Variants in ZNF469 observed in about 807,000 individuals in gnomAD.
ZNF469 encodes zinc finger protein 469.
ZNF469 carries 1 observed loss-of-function variant against 1.0 expected under a neutral mutation model. That is an observed-to-expected ratio of 1.00 (90% CI 0.35 to 4.73). The LOEUF (loss-of-function observed/expected upper bound fraction) is 4.73. ZNF469 is among the 30% of genes most tolerant of loss of function. The probability of loss-of-function intolerance (pLI) is 0.16; values close to 1 mark genes in which losing one functional copy is unlikely to be tolerated. For synonymous variants in ZNF469, 2,703 were observed against 2,363.4 expected (o/e 1.14, Z -4.17); for missense variants, 6,100 against 5,356.3 (o/e 1.14, Z -4.33).
At chr16:88,271,118 C>T in the ZNF469 span, among the ~76,000 whole-genome samples, 6 of 151,986 alleles carry the variant, frequency 3.9e-5, no homozygotes, top group African/African-American at 9.7e-5. Context: ...GGTAACAGAA[C>T]CTGCCTTATA....
the ZNF469 span, among the ~76,000 whole-genome samples, chr16:88,354,895 G>A: frequency 6.6e-6 from 1 of 152,192 alleles, no homozygotes; most frequent in Non-Finnish European, 1.5e-5. Flanking sequence ...CTGCAAGGGA[G>A]GCCTGAGGAG....
chr16:88,175,755 A>G, the ZNF469 span, among the ~76,000 whole-genome samples: 933 of 152,350 alleles, frequency 6.1e-3, 6 homozygotes, highest in African/African-American at 0.022. Context: ...AAGGTCCCAA[A>G]TCAATTATCA....
Position 88,429,716 on chromosome 16 carries a change from A to C in ZNF469, c.2246A>C (p.His749Pro). 1 of 1,543,516 alleles carries C rather than the reference A, an allele frequency of 6.5e-7. No homozygotes were observed. Among genetic ancestry groups the C allele is most frequent in the Non-Finnish European group, 8.7e-7 (1 of 1,142,908 alleles). ...AGCAGCCTGGCGGCCTTCCTGGCCC[A>C]CCGGCAGTTCTGTGGCCTGCTCCTG... is the stretch of plus-strand genomic sequence containing the variant. ...NYSSLAAFLA[H>P]RQFCGLLLAR... is the part of the protein sequence containing the mutation. The change falls in exon 3 of 3, where the codon CAC becomes CCC. Residue 749 changes from histidine to proline, a missense_variant. Coordinates refer to ENST00000565624, the MANE Select transcript of ZNF469 (RefSeq NM_001367624.2).
At chr16:88,265,764 G>A in the ZNF469 span, among the ~76,000 whole-genome samples, 1 of 152,216 alleles carries the variant, frequency 6.6e-6, no homozygotes, top group Non-Finnish European at 1.5e-5. Context: ...TCGGGAGGCG[G>A]CGCGTCTCTC....
At chr16:88,197,462 C>T in the ZNF469 span, among the ~76,000 whole-genome samples, 1 of 152,174 alleles carries the variant, frequency 6.6e-6, no homozygotes. Flanking sequence ...GATTAAATGC[C>T]CACAGGAAAG....
the ZNF469 span, among the ~76,000 whole-genome samples, chr16:88,184,100 C>T: frequency 1.3e-5 from 2 of 152,040 alleles, no homozygotes; most frequent in East Asian, 2.0e-4. Flanking sequence ...CTCCCCTGCC[C>T]GGGCTGGGAT....
At chr16:88,234,577 A>G in the ZNF469 span, among the ~76,000 whole-genome samples, 1 of 152,160 alleles carries the variant, frequency 6.6e-6, no homozygotes, top group African/African-American at 2.4e-5. Context: ...CAGCCTGTGG[A>G]TCATCCACCA....
At chr16:88,160,595 C>A in the ZNF469 span, among the ~76,000 whole-genome samples, 420 of 152,326 alleles carry the variant, frequency 2.8e-3, 1 homozygote, top group African/African-American at 9.7e-3. Context: ...CTTTTCTCAA[C>A]TCTTTTCACA....
chr16:88,121,439 G>A, the ZNF469 span, among the ~76,000 whole-genome samples: 1 of 152,162 alleles, frequency 6.6e-6, no homozygotes, highest in African/African-American at 2.4e-5. Flanking sequence ...TCTGGCCATC[G>A]GAGGGGCTGG....
the ZNF469 span, among the ~76,000 whole-genome samples, chr16:88,186,359 C>T: frequency 6.6e-6 from 1 of 152,192 alleles, no homozygotes; most frequent in Non-Finnish European, 1.5e-5. Context: ...AATGGGAGGC[C>T]GTGGGCTTCG....
At chr16:88,358,077 C>T in the ZNF469 span, among the ~76,000 whole-genome samples, 2 of 152,210 alleles carry the variant, frequency 1.3e-5, no homozygotes, top group Non-Finnish European at 2.9e-5. Flanking sequence ...GATCCAGCCT[C>T]CTTTCAGGGC....
At chr16:88,292,361 G>A in the ZNF469 span, among the ~76,000 whole-genome samples, 1 of 152,162 alleles carries the variant, frequency 6.6e-6, no homozygotes, top group African/African-American at 2.4e-5. Context: ...GGGTAGCAGG[G>A]CCTGAGTGTG....
At chr16:88,352,112 G>A in the ZNF469 span, among the ~76,000 whole-genome samples, 41,173 of 151,892 alleles carry the variant, frequency 0.27, 6,103 homozygotes, top group African/African-American at 0.39. Context: ...TGGGTGCGAG[G>A]GGCTGGGGGC....
the ZNF469 span, among the ~76,000 whole-genome samples, chr16:88,148,248 T>C: frequency 5.6e-4 from 85 of 152,256 alleles, no homozygotes; most frequent in East Asian, 0.015. Flanking sequence ...GTTTTGCTCC[T>C]TCAGAGACTC....
the ZNF469 span, among the ~76,000 whole-genome samples, chr16:88,168,824 T>C: frequency 1.6e-4 from 24 of 152,270 alleles, no homozygotes; most frequent in Non-Finnish European, 2.9e-4. This position sits in a 1 kb window ranked among gnomAD's most constrained non-coding sequence, Gnocchi z 4.3. Flanking sequence ...CTGGGCTTTG[T>C]GGTGGCTGTG....
At chr16:88,378,339 G>T (rs1375615349), upstream of ZNF469, among the ~76,000 whole-genome samples, 1 of 152,238 alleles carries the variant, frequency 6.6e-6, no homozygotes, top group Non-Finnish European at 1.5e-5. Flanking sequence ...CACGGGTACT[G>T]ATTGTGTTCC....
chr16:88,135,728 C>G, the ZNF469 span, among the ~76,000 whole-genome samples: 3 of 131,506 alleles, frequency 2.3e-5, no homozygotes, highest in Non-Finnish European at 4.9e-5. Flanking sequence ...CTTCAGGGAT[C>G]TCACTGTGAA....
At chr16:88,356,360 C>T in the ZNF469 span, among the ~76,000 whole-genome samples, 1 of 152,164 alleles carries the variant, frequency 6.6e-6, no homozygotes, top group African/African-American at 2.4e-5. Context: ...TCTTGGGAAA[C>T]CTCTGCCCCA....
At chr16:88,186,663 G>A in the ZNF469 span, among the ~76,000 whole-genome samples, 1 of 152,174 alleles carries the variant, frequency 6.6e-6, no homozygotes, top group African/African-American at 2.4e-5. Context: ...GCAGAGGATC[G>A]TGCGGCGGTC....
Sources: gnomAD v4.1 joint callset for allele counts (sites outside exome capture counted in the v4.1 genomes callset) on GRCh38, gnomAD v4.1.1 for gene constraint, Gnocchi (gnomAD v3.1) non-coding constraint, MANE v1.5 for transcripts, NCBI Gene and HGNC (gene_info 2026-07-23, HGNC 2026-07-21) for gene names.